Variants in FBLN2 observed in about 807,000 individuals in gnomAD.
The protein encoded by FBLN2 is fibulin 2.
In FBLN2, 81 loss-of-function variants were observed where a neutral mutation model predicts 123.7. The observed-to-expected ratio is 0.65, with a 90% CI of 0.55 to 0.79. FBLN2 has a LOEUF of 0.79. Ranked by LOEUF, FBLN2 falls within the 30% of genes least tolerant of loss-of-function variation. The pLI is 0.00. For missense variants in FBLN2, 1,603 were observed against 1,681.3 expected (o/e 0.95, Z 0.81); for synonymous variants, 699 against 701.4 (o/e 1.00, Z 0.05).
At chr3:13,597,083 C>A (rs895175963) in intron 2 of FBLN2, among the ~76,000 whole-genome samples, 1 of 152,088 alleles carries the variant, frequency 6.6e-6, no homozygotes, top group African/African-American at 2.4e-5. Flanking sequence ...AGGCACACAC[C>A]ATCATGCCTG....
Position 13,629,067 on chromosome 3 carries a change from G to T in FBLN2, c.2713+19G>T. On this transcript the variant is annotated intron_variant, in intron 12 of 17. Coordinates refer to ENST00000404922, the MANE Select transcript of FBLN2 (RefSeq NM_001004019.2). ...TGTGTGGGTAAGGCCAGCCGCCTCCGCCCTGCCAGCCAGCCCGGCCTGCCC... is the reference window on the plus strand; with the variant it reads ...TGTGTGGGTAAGGCCAGCCGCCTCCTCCCTGCCAGCCAGCCCGGCCTGCCC... The T allele has an allele frequency of 6.2e-7, 1 of 1,612,716 alleles. No homozygotes were observed. The highest frequency in any genetic ancestry group is 1.1e-5 in the South Asian group (1 of 91,024).
intron 1 of FBLN2, among the ~76,000 whole-genome samples, chr3:13,559,280 A>G (rs568785656): frequency 6.6e-6 from 1 of 152,104 alleles, no homozygotes; most frequent in South Asian, 2.1e-4. Context: ...TGTGAAGTTC[A>G]GTTTTTCAGT....
intron 1 of FBLN2, among the ~76,000 whole-genome samples, chr3:13,562,599 C>T (rs1278144228): frequency 6.6e-6 from 1 of 152,190 alleles, no homozygotes; most frequent in African/African-American, 2.4e-5. Flanking sequence ...TCATGATCCA[C>T]CCGCCTTGGC....
intron 2 of FBLN2, among the ~76,000 whole-genome samples, chr3:13,601,168 C>T (rs572036789): frequency 2.0e-5 from 3 of 152,338 alleles, no homozygotes; most frequent in African/African-American, 7.2e-5. Flanking sequence ...TGCTATATTT[C>T]AGCTGTTACT....
chr3:13,618,600 G>C (rs971231975), intron 6 of FBLN2, among the ~76,000 whole-genome samples: 11 of 152,230 alleles, frequency 7.2e-5, no homozygotes, highest in African/African-American at 2.7e-4. Flanking sequence ...TGGTGATCCT[G>C]AGGGATTTCC....
chr3:13,554,840 T>A (rs1427581300), intron 1 of FBLN2, among the ~76,000 whole-genome samples: 2 of 152,168 alleles, frequency 1.3e-5, no homozygotes, highest in Middle Eastern at 3.2e-3. Flanking sequence ...GAGGATGAGT[T>A]TCACCACCGT....
intron 2 of FBLN2, among the ~76,000 whole-genome samples, chr3:13,576,343 C>A (rs189983537): frequency 2.7e-4 from 41 of 152,324 alleles, no homozygotes; most frequent in African/African-American, 9.4e-4. Flanking sequence ...TTCCTCACAG[C>A]CCCCAGTCTG....
At chr3:13,612,294 C>CCTTTCTTTCTTTTTCTTTCTTT in intron 4 of FBLN2, among the ~76,000 whole-genome samples, 1 of 117,344 alleles carries the variant, frequency 8.5e-6, no homozygotes, top group South Asian at 2.9e-4. Flanking sequence ...CTTTTATTTT[C>CCTTTCTTTCTTTTTCTTTCTTT]CTTTCTTTCT....
Position 13,570,324 on chromosome 3 carries a change from G to T in FBLN2, c.-32G>T. On this transcript the variant is annotated 5_prime_UTR_variant, in exon 2 of 18. It adds an upstream start codon to the 5' untranslated region. Coordinates refer to ENST00000404922, the MANE Select transcript of FBLN2 (RefSeq NM_001004019.2). ...TTTCTGATTCCCCCAGGGTCTTACAGGAGAGGGGACCGTCCTGGGCTGGCC... is the reference window on the plus strand; with the variant it reads ...TTTCTGATTCCCCCAGGGTCTTACATGAGAGGGGACCGTCCTGGGCTGGCC... 6.7e-7 allele frequency: 1 copy of T among 1,493,138 alleles called. No homozygotes were observed. The allele number at this position is 1,493,138 out of a possible 1,614,324, so 92.5% of individuals were successfully genotyped here.
chr3:13,577,107 C>G (rs1039217569), intron 2 of FBLN2, among the ~76,000 whole-genome samples: 20 of 151,848 alleles, frequency 1.3e-4, no homozygotes, highest in African/African-American at 4.6e-4. Flanking sequence ...CCTGTAATCC[C>G]AGCTACTCAG....
At chr3:13,549,585 G>A (rs1365637488) in intron 1 of FBLN2, among the ~76,000 whole-genome samples, 3 of 28,058 alleles carry the variant, frequency 1.1e-4, no homozygotes, top group African/African-American at 4.3e-4. Flanking sequence ...CCCCCACCCC[G>A]ACCGCAGGAC....
intron 9 of FBLN2, among the ~76,000 whole-genome samples, chr3:13,623,169 C>G (rs1392287293): frequency 6.6e-6 from 1 of 152,232 alleles, no homozygotes; most frequent in East Asian, 1.9e-4. Flanking sequence ...CGCCTCCTGA[C>G]CCTGCTTGCC....
At chr3:13,602,552 T>C (rs1448735004) in intron 2 of FBLN2, among the ~76,000 whole-genome samples, 1 of 152,206 alleles carries the variant, frequency 6.6e-6, no homozygotes, top group Non-Finnish European at 1.5e-5. Context: ...AGATACATGG[T>C]ATGTATTTTG....
At chr3:13,562,602 G>A (rs929980267) in intron 1 of FBLN2, among the ~76,000 whole-genome samples, 4 of 152,072 alleles carry the variant, frequency 2.6e-5, no homozygotes, top group Non-Finnish European at 2.9e-5. Flanking sequence ...TGATCCACCC[G>A]CCTTGGCCTC....
At chr3:13,562,638 G>A (rs1211246401) in intron 1 of FBLN2, among the ~76,000 whole-genome samples, 4 of 152,152 alleles carry the variant, frequency 2.6e-5, no homozygotes, top group East Asian at 1.9e-4. Context: ...TGCAGGCCGC[G>A]CCCGGCTGCG....
chr3:13,571,686 A>G, intron 2 of FBLN2, 25 bp downstream of exon 2: 1 of 1,520,772 alleles, frequency 6.6e-7, no homozygotes. Context: ...TGGTTCCTTC[A>G]GGGCACTTTG....
At chr3:13,608,594 C>T (rs1705285791) in intron 3 of FBLN2, among the ~76,000 whole-genome samples, 1 of 152,184 alleles carries the variant, frequency 6.6e-6, no homozygotes, top group Non-Finnish European at 1.5e-5. Flanking sequence ...GGAGGCTGGC[C>T]TCTCACTGTG....
intron 2 of FBLN2, among the ~76,000 whole-genome samples, chr3:13,604,941 C>G (rs1428344811): frequency 6.6e-6 from 1 of 152,254 alleles, no homozygotes; most frequent in South Asian, 2.1e-4. Context: ...ATCTATCCCT[C>G]AGCCCTGTGC....
intron 3 of FBLN2, among the ~76,000 whole-genome samples, chr3:13,608,984 T>C (rs1311079884): frequency 6.6e-6 from 1 of 152,256 alleles, no homozygotes; most frequent in Non-Finnish European, 1.5e-5. Context: ...CCCCTGGAGT[T>C]TGGGGCTAAG....
Sources: gnomAD v4.1 joint callset for allele counts (sites outside exome capture counted in the v4.1 genomes callset) on GRCh38, gnomAD v4.1.1 for gene constraint, MANE v1.5 for transcripts, NCBI Gene and HGNC (gene_info 2026-07-23, HGNC 2026-07-21) for gene names.